LAMA1: variants seen among roughly 807,000 people sequenced by gnomAD.
LAMA1 encodes the protein laminin subunit alpha 1.
Under a neutral mutation model 348.7 loss-of-function variants are expected in LAMA1, and 219 were observed. That is an observed-to-expected ratio of 0.63 (90% CI 0.56 to 0.70). The LOEUF is 0.70. Ranked by LOEUF, LAMA1 falls within the 30% of genes least tolerant of loss-of-function variation. The pLI is 0.00. For missense variants in LAMA1, 3,744 were observed against 3,888.0 expected (o/e 0.96, Z 0.99); for synonymous variants, 1,487 against 1,491.0 (o/e 1.00, Z 0.06).
intron 61 of LAMA1, among the ~76,000 whole-genome samples, chr18:6,946,527 G>A (rs1205654773): frequency 6.6e-6 from 1 of 152,094 alleles, no homozygotes; most frequent in Non-Finnish European, 1.5e-5. Context: ...AGAACAGCCT[G>A]ACCAACATGG....
intron 51 of LAMA1, among the ~76,000 whole-genome samples, chr18:6,963,008 G>C (rs1333250953): frequency 6.6e-6 from 1 of 151,952 alleles, no homozygotes; most frequent in East Asian, 1.9e-4. Flanking sequence ...TTCTGTACCA[G>C]CTCTTCACAG....
chr18:6,975,134 T>C, intron 45 of LAMA1, 98 bp from the exon 46 acceptor site: 2 of 1,389,112 alleles, frequency 1.4e-6, no homozygotes, highest in Non-Finnish European at 1.9e-6. Context: ...GGTTTTCTCT[T>C]TTCTTAAAAA....
At chr18:6,953,559 G>A (rs59684931) in intron 57 of LAMA1, among the ~76,000 whole-genome samples, 5,053 of 152,256 alleles carry the variant, frequency 0.033, 286 homozygotes, top group African/African-American at 0.12. Context: ...TACTCTACAG[G>A]CACAGACTCT....
chr18:6,975,808 G>T (rs937866528), intron 45 of LAMA1, 129 bp downstream of exon 45: 4 of 1,065,760 alleles, frequency 3.8e-6, no homozygotes, highest in Non-Finnish European at 2.9e-6. Context: ...TTTAACAAAG[G>T]TTAGTCCCTA....
intron 3 of LAMA1, among the ~76,000 whole-genome samples, chr18:7,061,636 G>A (rs1197827270): frequency 6.6e-6 from 1 of 152,218 alleles, no homozygotes; most frequent in East Asian, 1.9e-4. Context: ...TTGGGACAGT[G>A]GTGGCAATGA....
chr18:6,978,641 G>A (rs957036245), intron 42 of LAMA1, among the ~76,000 whole-genome samples: 3 of 152,034 alleles, frequency 2.0e-5, no homozygotes, highest in Non-Finnish European at 4.4e-5. Flanking sequence ...AATAATTTTT[G>A]TTAATACTTC....
chr18:7,035,136 G>C (rs371475350), intron 13 of LAMA1, among the ~76,000 whole-genome samples: 19 of 152,214 alleles, frequency 1.2e-4, no homozygotes, highest in African/African-American at 4.6e-4. Flanking sequence ...AGCTCCAGGT[G>C]AAAGGACATG....
chr18:7,113,154 CCT>C (rs1442356593), intron 1 of LAMA1, among the ~76,000 whole-genome samples: 1 of 152,132 alleles, frequency 6.6e-6, no homozygotes, highest in Non-Finnish European at 1.5e-5. Context: ...CAGGGAAAGC[CCT>C]GTGAGTACAG....
chr18:6,964,518 C>T lies in LAMA1; in HGVS notation c.7337+144G>A, dbSNP rs965663667. The T allele has an allele frequency of 6.2e-6, 6 of 974,304 alleles. No individual in the cohort carries two copies. The African/African-American group carries it at 6.5e-5, about 11-fold the overall frequency. 60.4% of individuals were successfully genotyped at this position (974,304 alleles called of 1,614,324 possible). On this transcript the variant is annotated intron_variant, in intron 51 of 62. Transcript: ENST00000389658. ...GGAAGCAAGCCCTGCCAACACCTTG[C>T]TTTTGGACTTGCAGCCTCTAGAACT...
intron 3 of LAMA1, among the ~76,000 whole-genome samples, chr18:7,056,017 T>G (rs1298074636): frequency 3.3e-5 from 5 of 151,904 alleles, no homozygotes; most frequent in Non-Finnish European, 7.4e-5. Flanking sequence ...GAGGCAGAGC[T>G]TGCAGTGAGT....
intron 16 of LAMA1, among the ~76,000 whole-genome samples, chr18:7,030,263 A>G (rs1157922484): frequency 6.6e-6 from 1 of 152,168 alleles, no homozygotes; most frequent in Non-Finnish European, 1.5e-5. Context: ...TGTAACCTCA[A>G]CCTAGTCATA....
intron 36 of LAMA1, among the ~76,000 whole-genome samples, chr18:6,987,383 C>A (rs1013117974): frequency 6.6e-6 from 1 of 152,140 alleles, no homozygotes; most frequent in Non-Finnish European, 1.5e-5. Flanking sequence ...GGATTTTCTG[C>A]AGCTAGTTAA....
chr18:6,962,827 C>T (rs2057614573), intron 51 of LAMA1, among the ~76,000 whole-genome samples: 1 of 152,162 alleles, frequency 6.6e-6, no homozygotes. Context: ...AAGGAAGTAA[C>T]TGTATTTGGT....
intron 10 of LAMA1, among the ~76,000 whole-genome samples, chr18:7,039,487 A>G (rs2058011093): frequency 6.6e-6 from 1 of 152,220 alleles, no homozygotes; most frequent in Non-Finnish European, 1.5e-5. Context: ...TCAAAATAGC[A>G]TATCTGCGTT....
intron 22 of LAMA1, 108 bp from the exon 23 acceptor site, chr18:7,014,159 G>C: frequency 1.1e-6 from 1 of 870,654 alleles, no homozygotes; most frequent in South Asian, 1.4e-5. Flanking sequence ...TTCTACAAAT[G>C]AACCATCTCT....
chr18:7,013,784 A>G (rs1435905743), intron 23 of LAMA1, 31 bp downstream of exon 23: 1 of 1,601,118 alleles, frequency 6.2e-7, no homozygotes, highest in African/African-American at 1.3e-5. Flanking sequence ...AGCCAGAGAC[A>G]GGATGAAAGA....
rs547886897 is a variant in LAMA1, at chr18:7,061,889, C to T, written c.346-10953G>A. Among the ~76,000 whole-genome samples, 19 of 152,168 alleles carry T rather than the reference C, an allele frequency of 1.2e-4. No homozygotes were observed. In the South Asian group the frequency reaches 2.3e-3, roughly 18 times the overall value. On this transcript the variant is annotated intron_variant, in intron 3 of 62. Coordinates refer to ENST00000389658, the MANE Select transcript of LAMA1 (RefSeq NM_005559.4). Reference sequence around the variant, plus strand: ...CCTGTGCGTCTGAGAACAGCCTGCACGGGAAAAGAAGAGCACACTGTGCCC... The same window carrying T: ...CCTGTGCGTCTGAGAACAGCCTGCATGGGAAAAGAAGAGCACACTGTGCCC...
At chr18:7,006,380 A>T (rs908412866) in intron 29 of LAMA1, among the ~76,000 whole-genome samples, 6 of 150,182 alleles carry the variant, frequency 4.0e-5, no homozygotes, top group South Asian at 2.1e-4. Context: ...GCATTTTTTT[A>T]AAAAATGCAA....
chr18:7,091,087 C>G (rs2058238051), intron 1 of LAMA1, among the ~76,000 whole-genome samples: 1 of 152,228 alleles, frequency 6.6e-6, no homozygotes, highest in East Asian at 1.9e-4. Flanking sequence ...TGCTCATATT[C>G]AATGACTCTG....
Sources: allele counts gnomAD v4.1 joint callset (sites outside exome capture counted in the v4.1 genomes callset), GRCh38; gene constraint gnomAD v4.1.1; transcripts MANE v1.5; gene names NCBI Gene and HGNC (gene_info 2026-07-23, HGNC 2026-07-21).